Variants in PALM2AKAP2 observed in about 807,000 individuals in gnomAD.
PALM2AKAP2 encodes PALM2-AKAP2 fusion protein.
PALM2AKAP2 carries 37 observed loss-of-function variants against 71.5 expected under a neutral mutation model. The ratio of observed to expected loss-of-function variants is 0.52; its 90% CI spans 0.40 to 0.68. The LOEUF (loss-of-function observed/expected upper bound fraction) is 0.68, where lower values mean the gene tolerates loss of function less well. PALM2AKAP2 is among the 30% of genes least tolerant of loss of function. The probability of loss-of-function intolerance (pLI) is 0.00; values close to 1 mark genes in which losing one functional copy is unlikely to be tolerated. For synonymous variants in PALM2AKAP2, 468 were observed against 478.8 expected, an observed-to-expected ratio of 0.98 and a Z score of 0.29; for missense variants, 1,224 against 1,191.8, an observed-to-expected ratio of 1.03 and a Z score of -0.40.
chr9:110,061,833 C>A (rs1464944549), intron 1 of PALM2AKAP2, among the ~76,000 whole-genome samples: 1 of 149,126 alleles, frequency 6.7e-6, no homozygotes. Flanking sequence ...GCCAACATGC[C>A]AGACAAATAT....
At chr9:109,943,297 G>C in intron 6 of PALM2AKAP2, 1 of 1,614,238 alleles carries the variant, frequency 6.2e-7, no homozygotes, top group Non-Finnish European at 8.5e-7. Context: ...GGCTGAGCTT[G>C]TGTCCGGGAG....
upstream of PALM2AKAP2, chr9:109,780,350 C>CT: frequency 6.4e-7 from 1 of 1,556,674 alleles, no homozygotes; most frequent in African/African-American, 1.4e-5. Context: ...CCCGCCGCCC[C>CT]TGGAGCGGAT....
chr9:109,713,354 G>A (rs79446527), intron 1 of PALM2AKAP2, among the ~76,000 whole-genome samples: 6,445 of 152,222 alleles, frequency 0.042, 185 homozygotes, highest in Non-Finnish European at 0.053. Context: ...CTCCTAAAGT[G>A]TGGGCATCAA....
upstream of PALM2AKAP2, among the ~76,000 whole-genome samples, chr9:110,045,716 T>C (rs1833584962): frequency 6.6e-6 from 1 of 152,126 alleles, no homozygotes; most frequent in South Asian, 2.1e-4. Flanking sequence ...TACAGGCTTC[T>C]GCCACCACGT....
chr9:110,142,629 A>T (rs778308610), intron 2 of PALM2AKAP2, among the ~76,000 whole-genome samples: 3 of 152,210 alleles, frequency 2.0e-5, no homozygotes, highest in Non-Finnish European at 4.4e-5. Context: ...CTTCCTTAGG[A>T]AATTACTGTC....
chr9:109,998,466 A>G (rs184156289), intron 6 of PALM2AKAP2, among the ~76,000 whole-genome samples: 91 of 152,258 alleles, frequency 6.0e-4, no homozygotes, highest in African/African-American at 2.0e-3. Flanking sequence ...AGAAGGGTAT[A>G]CCAAAGTCCC....
intron 1 of PALM2AKAP2, among the ~76,000 whole-genome samples, chr9:109,858,555 G>T (rs1439692280): frequency 6.6e-6 from 1 of 152,118 alleles, no homozygotes; most frequent in Admixed American, 6.5e-5. Flanking sequence ...GCCCCTACCT[G>T]ATACGAGATC....
At chr9:110,137,177 G>A (rs1416947639) in exon 2 of PALM2AKAP2, 1 of 1,613,924 alleles carries the variant, frequency 6.2e-7, no homozygotes, top group Admixed American at 1.7e-5. Context: ...CAAAGCAAAG[G>A]AGGACATTGT....
chr9:109,692,057 G>T (rs1424123940), intron 1 of PALM2AKAP2, among the ~76,000 whole-genome samples: 1 of 148,322 alleles, frequency 6.7e-6, no homozygotes, highest in African/African-American at 2.5e-5. Flanking sequence ...TTATCTCTAA[G>T]TATTTAAATT....
At chr9:109,835,756 C>A (rs1158973966) in intron 1 of PALM2AKAP2, among the ~76,000 whole-genome samples, 1 of 152,180 alleles carries the variant, frequency 6.6e-6, no homozygotes, top group Non-Finnish European at 1.5e-5. Context: ...TCAGAGGGTA[C>A]CACGCCCATG....
chr9:109,807,942 C>A (rs1281950862), intron 1 of PALM2AKAP2, among the ~76,000 whole-genome samples: 2 of 152,190 alleles, frequency 1.3e-5, no homozygotes, highest in Non-Finnish European at 2.9e-5. Context: ...GGCACTCCTC[C>A]TTCCTGCCAC....
At chr9:110,091,459 CTTTTTT>C (rs66848294) in intron 1 of PALM2AKAP2, among the ~76,000 whole-genome samples, 2 of 83,652 alleles carry the variant, frequency 2.4e-5, no homozygotes, top group African/African-American at 5.2e-5. Context: ...GAGATTTATT[CTTTTTT>C]TTTTTTTTTT....
At chr9:109,816,671 G>A (rs1270821935) in intron 1 of PALM2AKAP2, among the ~76,000 whole-genome samples, 2 of 152,200 alleles carry the variant, frequency 1.3e-5, no homozygotes, top group East Asian at 3.9e-4. Flanking sequence ...CCCGGATGAT[G>A]GTGGGATTTC....
At chr9:110,150,679 A>C (rs1836288239) in intron 2 of PALM2AKAP2, among the ~76,000 whole-genome samples, 1 of 152,196 alleles carries the variant, frequency 6.6e-6, no homozygotes, top group Non-Finnish European at 1.5e-5. Context: ...TGTTCTGCCC[A>C]CCACAGGAGG....
chr9:109,907,365 T>C (rs982767400), intron 3 of PALM2AKAP2, among the ~76,000 whole-genome samples: 1 of 152,210 alleles, frequency 6.6e-6, no homozygotes, highest in African/African-American at 2.4e-5. Flanking sequence ...CATTTCAAAC[T>C]TCCCTTCCAA....
chr9:110,111,086 CTTTTTTTT>C (rs34958946), intron 1 of PALM2AKAP2, among the ~76,000 whole-genome samples: 3 of 84,188 alleles, frequency 3.6e-5, no homozygotes, highest in East Asian at 4.1e-4. Context: ...TTTCTTTCTT[CTTTTTTTT>C]TTTTTTTTTT....
intron 1 of PALM2AKAP2, among the ~76,000 whole-genome samples, chr9:109,768,952 T>A (rs1378361035): frequency 1.3e-4 from 20 of 152,170 alleles, no homozygotes; most frequent in Non-Finnish European, 1.5e-5. Flanking sequence ...AGACCCTATC[T>A]CTATTTATAA....
At chr9:109,938,187 T>C (rs1357974504) in intron 6 of PALM2AKAP2, among the ~76,000 whole-genome samples, 1 of 152,248 alleles carries the variant, frequency 6.6e-6, no homozygotes, top group East Asian at 1.9e-4. Flanking sequence ...TGTATATTAT[T>C]GGCTGAGAAC....
chr9:110,032,885 A>G (rs932484514), intron 7 of PALM2AKAP2, among the ~76,000 whole-genome samples: 1 of 151,894 alleles, frequency 6.6e-6, no homozygotes, highest in Non-Finnish European at 1.5e-5. Context: ...GCAGTAAGCC[A>G]CAATCCTACC....
Sources: gnomAD v4.1 joint callset for allele counts (sites outside exome capture counted in the v4.1 genomes callset) on GRCh38, gnomAD v4.1.1 for gene constraint, MANE v1.5 for transcripts, NCBI Gene and HGNC (gene_info 2026-07-23, HGNC 2026-07-21) for gene names.